Variants in TEAD4 observed in about 807,000 individuals in gnomAD.
TEAD4 encodes TEA domain transcription factor 4, also known as transcriptional enhancer factor TEF-3.
A neutral mutation model predicts 52.4 loss-of-function variants in TEAD4; 36 were observed. That is an observed-to-expected ratio of 0.69 (90% CI 0.53 to 0.91). The LOEUF is 0.91. TEAD4 is among the 40% of genes least tolerant of loss of function. The pLI, the probability that TEAD4 is intolerant of heterozygous loss-of-function variation, is 0.00. For missense variants in TEAD4, 508 were observed against 583.9 expected (o/e 0.87, Z 1.34); for synonymous variants, 220 against 231.0 (o/e 0.95, Z 0.43).
At chr12:2,967,000 C>T (rs923122594) in intron 2 of TEAD4, among the ~76,000 whole-genome samples, 1 of 152,210 alleles carries the variant, frequency 6.6e-6, no homozygotes, top group Non-Finnish European at 1.5e-5. Flanking sequence ...AACCACCGCA[C>T]CTGACCCTGT....
chr12:2,980,235 G>A (rs749294067), intron 2 of TEAD4, among the ~76,000 whole-genome samples: 9 of 151,962 alleles, frequency 5.9e-5, no homozygotes, highest in African/African-American at 1.2e-4. Context: ...GCCTCTCTCC[G>A]CTGGGACCTT....
chr12:2,982,706 C>T lies in TEAD4; in HGVS notation c.-29-12032C>T, dbSNP rs1025405691. 2.0e-5 allele frequency among the ~76,000 whole-genome samples: 3 copies of T among 152,204 alleles called. No homozygotes were observed. In the East Asian group the frequency reaches 5.8e-4, roughly 29 times the overall value. On this transcript the variant is annotated intron_variant, in intron 2 of 12. Transcript: ENST00000359864. Reference sequence around the variant, plus strand: ...CAGGGACACGTGGGGCTGGGAGCAACCCCATTTCGGTAACAAACCCTGTGG... The same window carrying T: ...CAGGGACACGTGGGGCTGGGAGCAATCCCATTTCGGTAACAAACCCTGTGG...
intron 2 of TEAD4, among the ~76,000 whole-genome samples, chr12:2,965,983 C>T (rs1314513941): frequency 6.6e-6 from 1 of 152,134 alleles, no homozygotes; most frequent in Non-Finnish European, 1.5e-5. Flanking sequence ...ACCTCAGCCT[C>T]CTCAGTAGCT....
At chr12:2,985,027 A>G (rs2098236943) in intron 2 of TEAD4, among the ~76,000 whole-genome samples, 1 of 152,216 alleles carries the variant, frequency 6.6e-6, no homozygotes, top group Non-Finnish European at 1.5e-5. Context: ...TTTCTTCAAG[A>G]ATATATTAAC....
At position 2,959,459 on chromosome 12, in the gene TEAD4, C is replaced by T. The variant is rs1300875812; in HGVS notation, c.-145C>T. ...GCCAGGGGGCGGGAGGGCCGCAGCTCCGGCGCCGCCGCGTCCCGCCAGGTG... is the reference window on the plus strand; with the variant it reads ...GCCAGGGGGCGGGAGGGCCGCAGCTTCGGCGCCGCCGCGTCCCGCCAGGTG... On this transcript the variant is annotated 5_prime_UTR_variant, in exon 1 of 13. Transcript: ENST00000359864. This position sits in a 1 kb window ranked among gnomAD's most constrained non-coding sequence, Gnocchi z 5.1. 6.8e-6 allele frequency: 1 copy of T among 146,996 alleles called. No homozygotes were observed. Among genetic ancestry groups the T allele is most frequent in the Non-Finnish European group, 1.5e-5 (1 of 65,862 alleles). 9.1% of individuals were successfully genotyped at this position (146,996 alleles called of 1,614,324 possible).
At chr12:2,961,308 C>A (rs558637202) in intron 2 of TEAD4, among the ~76,000 whole-genome samples, 2 of 152,050 alleles carry the variant, frequency 1.3e-5, no homozygotes, top group African/African-American at 4.8e-5. Context: ...CTCAGCACTT[C>A]CTTTGAGAAG....
intron 3 of TEAD4, among the ~76,000 whole-genome samples, chr12:3,005,277 G>A (rs182405868): frequency 1.1e-4 from 16 of 148,670 alleles, no homozygotes; most frequent in African/African-American, 3.9e-4. Context: ...AAATGTTTTT[G>A]GTTTCTAGTT....
At chr12:3,013,670 G>A (rs1177028509) in intron 5 of TEAD4, among the ~76,000 whole-genome samples, 1 of 152,130 alleles carries the variant, frequency 6.6e-6, no homozygotes. Flanking sequence ...GGAAGTGGAG[G>A]TTGCAGTGAG....
intron 10 of TEAD4, among the ~76,000 whole-genome samples, chr12:3,034,749 A>C (rs1454938740): frequency 6.6e-6 from 1 of 152,236 alleles, no homozygotes; most frequent in Non-Finnish European, 1.5e-5. Context: ...CCTGGGCAAC[A>C]TGGCGAAGCC....
At chr12:2,997,347 C>T (rs1430860748) in intron 3 of TEAD4, among the ~76,000 whole-genome samples, 2 of 152,322 alleles carry the variant, frequency 1.3e-5, no homozygotes, top group East Asian at 1.9e-4. Flanking sequence ...TTACTTTTAG[C>T]GCCTGGGGAA....
intron 5 of TEAD4, among the ~76,000 whole-genome samples, chr12:3,016,592 AC>A (rs1304907150): frequency 1.3e-5 from 2 of 149,036 alleles, no homozygotes; most frequent in African/African-American, 5.0e-5. Context: ...ACAGAGTGAG[AC>A]CCTGTCTCTG....
chr12:2,963,817 G>A lies in TEAD4; in HGVS notation c.-30+3777G>A, dbSNP rs1252264762. Among the ~76,000 whole-genome samples, 4 of 152,294 alleles carry A rather than the reference G, an allele frequency of 2.6e-5. No homozygotes were observed. The East Asian group carries it at 7.7e-4, about 29-fold the overall frequency. On this transcript the variant is annotated intron_variant, in intron 2 of 12. Transcript: ENST00000359864. ...CGTCCTCCTGCATTTAATACAGGGG[G>A]GCTCCTGGAAGGGCCAGAGGATGGG...
intron 2 of TEAD4, among the ~76,000 whole-genome samples, chr12:2,964,125 C>T (rs1488177419): frequency 2.0e-5 from 3 of 152,104 alleles, no homozygotes; most frequent in Non-Finnish European, 2.9e-5. Context: ...CAAAGGGGGC[C>T]GTTGACTCAG....
chr12:2,964,000 G>A (rs1436301722), intron 2 of TEAD4, among the ~76,000 whole-genome samples: 1 of 152,074 alleles, frequency 6.6e-6, no homozygotes, highest in Non-Finnish European at 1.5e-5. Flanking sequence ...AGAGCCAGGG[G>A]TGACCCTCCT....
chr12:3,039,114 A>C (rs376189747), intron 11 of TEAD4, among the ~76,000 whole-genome samples: 1 of 152,106 alleles, frequency 6.6e-6, no homozygotes, highest in Non-Finnish European at 1.5e-5. Flanking sequence ...GGGAGGAGAC[A>C]TTACTCCACA....
At chr12:3,013,291 CCTTTT>C (rs1056590542) in intron 5 of TEAD4, among the ~76,000 whole-genome samples, 2 of 150,666 alleles carry the variant, frequency 1.3e-5, no homozygotes, top group Non-Finnish European at 3.0e-5. Flanking sequence ...CAATGTAGCC[CCTTTT>C]CTTTTCTTCC....
At chr12:3,000,422 A>C (rs537213249) in intron 3 of TEAD4, among the ~76,000 whole-genome samples, 1 of 152,136 alleles carries the variant, frequency 6.6e-6, no homozygotes, top group Middle Eastern at 3.2e-3. Flanking sequence ...GAGGTGGTGC[A>C]GGCATCCCGT....
rs72653445 is a variant in TEAD4, at chr12:3,032,798, G to A, written c.898-5170G>A. On this transcript the variant is annotated intron_variant, in intron 10 of 12. Transcript: ENST00000359864. ...TTGGCGGTCATCTGCTCCCTCCTCC[G>A]CATGTGTGGGGCGGGCAGAGGCACC... 6.4e-3 allele frequency among the ~76,000 whole-genome samples: 979 copies of A among 152,312 alleles called. 49 individuals are homozygous for A. In the East Asian group the frequency reaches 0.13, roughly 20 times the overall value.
chr12:2,994,686 G>T lies in TEAD4; in HGVS notation c.-29-52G>T. 6.7e-7 allele frequency: 1 copy of T among 1,496,416 alleles called. No individual in the cohort carries two copies. The allele number at this position is 1,496,416 out of a possible 1,614,324, so 92.7% of individuals were successfully genotyped here. ...CTCCCCGGAGTGCCTTCATCCCGTG[G>T]CCCACGCAGTTCTTCCACTGCTCAC... On this transcript the variant is annotated intron_variant, in intron 2 of 12. Transcript: ENST00000359864. This position sits in a 1 kb window ranked among gnomAD's most constrained non-coding sequence, Gnocchi z 4.7.
Sources: gnomAD v4.1 joint callset for allele counts (sites outside exome capture counted in the v4.1 genomes callset) on GRCh38, gnomAD v4.1.1 for gene constraint, Gnocchi (gnomAD v3.1) non-coding constraint, MANE v1.5 for transcripts, NCBI Gene and HGNC (gene_info 2026-07-23, HGNC 2026-07-21) for gene names.